MSL2: variants seen among roughly 807,000 people sequenced by gnomAD.
MSL2 encodes E3 ubiquitin-protein ligase MSL2.
A neutral mutation model predicts 35.8 loss-of-function variants in MSL2; 2 were observed. That is an observed-to-expected ratio of 0.06 (90% confidence interval 0.02 to 0.18). The LOEUF (loss-of-function observed/expected upper bound fraction) is 0.18, where lower values mean the gene tolerates loss of function less well. MSL2 is among the 10% of genes least tolerant of loss of function. The probability of loss-of-function intolerance (pLI) is 1.00; values close to 1 mark genes in which losing one functional copy is unlikely to be tolerated. For missense variants in MSL2, 523 were observed against 706.7 expected (o/e 0.74, Z 2.95); for synonymous variants, 296 against 255.7 (o/e 1.16, Z -1.50).
intron 1 of MSL2, among the ~76,000 whole-genome samples, chr3:136,162,012 A>C (rs1340546774): frequency 6.6e-6 from 1 of 151,572 alleles, no homozygotes; most frequent in Non-Finnish European, 1.5e-5. Flanking sequence ...ATCTCGGCTC[A>C]CTACAACCTC....
At position 136,195,925 on chromosome 3, in the gene MSL2, G is replaced by C; in HGVS notation, c.-812C>G. On this transcript the variant is annotated 5_prime_UTR_variant, in exon 1 of 2. Coordinates refer to ENST00000309993, the MANE Select transcript of MSL2 (RefSeq NM_018133.4). ...CGGCGGCGCCCCTCGCGCCTCAGTCGCACACTCCGGGGTCACCAGACTCAA... is the reference window on the plus strand; with the variant it reads ...CGGCGGCGCCCCTCGCGCCTCAGTCCCACACTCCGGGGTCACCAGACTCAA... 1.6e-6 allele frequency: 1 copy of C among 612,164 alleles called. No homozygotes were observed. The highest frequency in any genetic ancestry group is 2.0e-6 in the Non-Finnish European group (1 of 490,626). 37.9% of individuals were successfully genotyped at this position (612,164 alleles called of 1,614,324 possible). A position where few individuals can be genotyped will look rare whatever the true frequency, so the allele number is the denominator to read the frequency against.
chr3:136,193,798 CCAGT>C (rs566799335), intron 1 of MSL2, among the ~76,000 whole-genome samples: 174 of 152,278 alleles, frequency 1.1e-3, no homozygotes, highest in Non-Finnish European at 2.1e-3. Flanking sequence ...GTGTCTGTCA[CCAGT>C]CAGAGTAGCA....
intron 1 of MSL2, among the ~76,000 whole-genome samples, chr3:136,178,894 T>C (rs140111593): frequency 6.6e-6 from 1 of 151,136 alleles, no homozygotes; most frequent in Non-Finnish European, 1.5e-5. Context: ...ACTACTACCA[T>C]CAAACGGTTA....
chr3:136,171,555 C>CT (rs1377666254), intron 1 of MSL2, among the ~76,000 whole-genome samples: 1 of 152,216 alleles, frequency 6.6e-6, no homozygotes, highest in Non-Finnish European at 1.5e-5. Context: ...GAATGAATTT[C>CT]TTTAAGCCTT....
chr3:136,187,955 A>G (rs1311124547), intron 1 of MSL2, among the ~76,000 whole-genome samples: 1 of 152,168 alleles, frequency 6.6e-6, no homozygotes, highest in Non-Finnish European at 1.5e-5. Flanking sequence ...AAAAAAAGAA[A>G]GAAAGAAACG....
chr3:136,168,542 A>G (rs1013284908), intron 1 of MSL2, among the ~76,000 whole-genome samples: 3 of 152,184 alleles, frequency 2.0e-5, no homozygotes, highest in African/African-American at 7.2e-5. Context: ...GTTCTCACTC[A>G]TAAGTGGGAG....
chr3:136,168,378 A>C (rs1382605876), intron 1 of MSL2, among the ~76,000 whole-genome samples: 1 of 152,340 alleles, frequency 6.6e-6, no homozygotes, highest in East Asian at 1.9e-4. Flanking sequence ...ACTCAAAAAA[A>C]TTACTGGATA....
At chr3:136,190,696 G>A (rs914537740) in intron 1 of MSL2, among the ~76,000 whole-genome samples, 2 of 152,110 alleles carry the variant, frequency 1.3e-5, no homozygotes, top group African/African-American at 4.8e-5. Flanking sequence ...ATCATTTGAA[G>A]AGTTACAAGT....
intron 1 of MSL2, among the ~76,000 whole-genome samples, chr3:136,158,608 G>A (rs1939602819): frequency 6.6e-6 from 1 of 151,956 alleles, no homozygotes; most frequent in African/African-American, 2.4e-5. Flanking sequence ...TGTTCTAGCT[G>A]GTGCAGTAAG....
chr3:136,152,566 T>C lies in MSL2; in HGVS notation c.315A>G (p.Lys105=). The change falls in exon 2 of 2, where the codon AAA becomes AAG. Residue 105 remains lysine (K), a synonymous_variant. Coordinates refer to ENST00000309993, the MANE Select transcript of MSL2 (RefSeq NM_018133.4). ...QLSILVNCYK[K]LCEYITQTTL... Reference sequence around the variant, plus strand: ...TAGTCTGTGTTATATACTCGCATAGTTTTTTGTAGCAGTTCACTAGGATGC... The same window carrying C: ...TAGTCTGTGTTATATACTCGCATAGCTTTTTGTAGCAGTTCACTAGGATGC... The C allele has an allele frequency of 6.2e-7, 1 of 1,614,160 alleles. No homozygotes were observed. Among genetic ancestry groups the C allele is most frequent in the Non-Finnish European group, 8.5e-7 (1 of 1,180,024 alleles).
At chr3:136,192,385 G>T (rs1264735949) in intron 1 of MSL2, among the ~76,000 whole-genome samples, 2 of 152,042 alleles carry the variant, frequency 1.3e-5, no homozygotes, top group Admixed American at 6.6e-5. Flanking sequence ...CACTATGTTG[G>T]CCAGGCTGGT....
chr3:136,185,137 G>A (rs1436220688), intron 1 of MSL2, among the ~76,000 whole-genome samples: 1 of 151,862 alleles, frequency 6.6e-6, no homozygotes, highest in Non-Finnish European at 1.5e-5. Flanking sequence ...ACCACACCCG[G>A]CTTATTTTTT....
At chr3:136,161,791 A>G (rs1051149221) in intron 1 of MSL2, among the ~76,000 whole-genome samples, 1 of 152,140 alleles carries the variant, frequency 6.6e-6, no homozygotes, top group African/African-American at 2.4e-5. Context: ...CAACTCTAAA[A>G]TTTAAAAATA....
intron 1 of MSL2, among the ~76,000 whole-genome samples, chr3:136,185,845 C>T (rs528767723): frequency 1.8e-4 from 28 of 152,148 alleles, no homozygotes; most frequent in Admixed American, 8.5e-4. Flanking sequence ...TGTCTTCCAA[C>T]GCTGAAGGGC....
chr3:136,155,205 T>TG (rs900837286), intron 1 of MSL2, among the ~76,000 whole-genome samples: 69 of 147,662 alleles, frequency 4.7e-4, no homozygotes, highest in Non-Finnish European at 3.3e-4. Context: ...CAAGACTGTC[T>TG]GGAAAAAAAA....
At chr3:136,157,463 C>T (rs1939567357) in intron 1 of MSL2, among the ~76,000 whole-genome samples, 1 of 152,092 alleles carries the variant, frequency 6.6e-6, no homozygotes, top group African/African-American at 2.4e-5. Context: ...GATAGTGCCA[C>T]TCAACTCCAG....
rs555640251 is a variant in MSL2 at position 136,158,099 on chromosome 3, G to A, written c.143-5361C>T. On this transcript the variant is annotated intron_variant, in intron 1 of 1. Transcript: ENST00000309993. The stretch of plus-strand genomic sequence containing the variant: ...GGCCAAGGTGGGCGGATCACCTGAA[G>A]TGGGGAGTTCGAGACCAGCCTGACC... 7.9e-5 allele frequency among the ~76,000 whole-genome samples: 12 copies of A among 152,260 alleles called. No individual in the cohort carries two copies. In the South Asian group the frequency reaches 2.5e-3, roughly 32 times the overall value.
chr3:136,186,511 TC>T (rs1940529038), intron 1 of MSL2, among the ~76,000 whole-genome samples: 2 of 152,114 alleles, frequency 1.3e-5, no homozygotes, highest in South Asian at 4.1e-4. Flanking sequence ...TCACAGCCAC[TC>T]CCCACTGCTC....
rs1409631478 is a variant in MSL2, at chr3:136,195,925, GCA to G, written c.-814_-813del. The G allele has an allele frequency of 9.8e-6, 6 of 612,046 alleles. No individual in the cohort carries two copies. The African/African-American group carries it at 1.2e-4, about 13-fold the overall frequency. The allele number at this position is 612,046 out of a possible 1,614,324, so 37.9% of individuals were successfully genotyped here. On this transcript the variant is annotated 5_prime_UTR_variant, in exon 1 of 2. Coordinates refer to ENST00000309993, the MANE Select transcript of MSL2 (RefSeq NM_018133.4). The stretch of plus-strand genomic sequence containing the variant: ...CGGCGGCGCCCCTCGCGCCTCAGTC[GCA>G]CACTCCGGGGTCACCAGACTCAAGC...
Sources: allele counts gnomAD v4.1 joint callset (sites outside exome capture counted in the v4.1 genomes callset), GRCh38; gene constraint gnomAD v4.1.1; transcripts MANE v1.5; gene names NCBI Gene and HGNC (gene_info 2026-07-23, HGNC 2026-07-21).